Variants in SCMH1 observed in about 807,000 individuals in gnomAD.
SCMH1 encodes Scm polycomb group protein homolog 1, also known as polycomb protein SCMH1.
In SCMH1, 37 loss-of-function variants were observed where a neutral mutation model predicts 70.8. That is an observed-to-expected ratio of 0.52 (90% CI 0.40 to 0.69). The LOEUF (loss-of-function observed/expected upper bound fraction) is 0.69. SCMH1 is among the 30% of genes least tolerant of loss of function. The pLI is 0.00. For missense variants in SCMH1, 607 were observed against 827.3 expected, an observed-to-expected ratio of 0.73 and a Z score of 3.27; for synonymous variants, 292 against 307.4, an observed-to-expected ratio of 0.95 and a Z score of 0.52.
intron 4 of SCMH1, among the ~76,000 whole-genome samples, chr1:41,156,944 A>G (rs984638881): frequency 6.3e-5 from 9 of 142,596 alleles, no homozygotes; most frequent in Admixed American, 1.5e-4. Flanking sequence ...GATTACAAGT[A>G]TAAGCCAACT....
At chr1:41,144,232 C>A (rs1644354971) in intron 5 of SCMH1, among the ~76,000 whole-genome samples, 2 of 152,092 alleles carry the variant, frequency 1.3e-5, no homozygotes, top group East Asian at 1.9e-4. Context: ...TCAAAATGAA[C>A]CCCCTGCCCC....
intron 8 of SCMH1, among the ~76,000 whole-genome samples, chr1:41,093,173 C>T (rs972169435): frequency 1.3e-5 from 2 of 151,932 alleles, no homozygotes; most frequent in African/African-American, 4.8e-5. Flanking sequence ...CACACGTACA[C>T]CATGGAATAC....
chr1:41,050,562 TG>T (rs1647719743), intron 10 of SCMH1, among the ~76,000 whole-genome samples: 1 of 151,950 alleles, frequency 6.6e-6, no homozygotes, highest in Non-Finnish European at 1.5e-5. Flanking sequence ...ATGTGGAAAG[TG>T]ACAGGAGAAA....
At chr1:41,234,829 TTC>T (rs974311711) in intron 1 of SCMH1, among the ~76,000 whole-genome samples, 1 of 152,102 alleles carries the variant, frequency 6.6e-6, no homozygotes, top group Non-Finnish European at 1.5e-5. Flanking sequence ...TCAAAAGTCA[TTC>T]TCTCTCTCTG....
At chr1:41,153,655 G>A (rs569153552) in intron 4 of SCMH1, among the ~76,000 whole-genome samples, 8 of 152,300 alleles carry the variant, frequency 5.3e-5, no homozygotes, top group Admixed American at 3.9e-4. Flanking sequence ...AGGAACCTCT[G>A]TTTAAAGTAG....
intron 1 of SCMH1, among the ~76,000 whole-genome samples, chr1:41,194,156 T>C (rs934328483): frequency 6.6e-6 from 1 of 152,222 alleles, no homozygotes; most frequent in Admixed American, 6.5e-5. Flanking sequence ...TTAAGTAGTG[T>C]AGTTTGCACA....
chr1:41,164,166 C>T (rs888789917), intron 2 of SCMH1, among the ~76,000 whole-genome samples: 5 of 152,092 alleles, frequency 3.3e-5, no homozygotes, highest in African/African-American at 7.2e-5. Context: ...AACGTACCTA[C>T]TAAAGGCTCA....
At chr1:41,071,860 A>T (rs575908073) in intron 9 of SCMH1, among the ~76,000 whole-genome samples, 2 of 152,272 alleles carry the variant, frequency 1.3e-5, no homozygotes, top group Admixed American at 1.3e-4. Flanking sequence ...ATGAGGTCTC[A>T]TTATATTGCC....
At chr1:41,191,241 T>C (rs1651648108) in intron 1 of SCMH1, among the ~76,000 whole-genome samples, 1 of 152,242 alleles carries the variant, frequency 6.6e-6, no homozygotes, top group Admixed American at 6.5e-5. Context: ...CCACTGTAGC[T>C]ACTACAACAT....
intron 5 of SCMH1, among the ~76,000 whole-genome samples, chr1:41,144,153 T>C (rs1049254328): frequency 1.3e-5 from 2 of 152,158 alleles, no homozygotes; most frequent in African/African-American, 2.4e-5. Flanking sequence ...AATTCAATGA[T>C]TTTTAGAATA....
rs568244031 is a variant in SCMH1 at position 41,216,824 on chromosome 1, C to G, written c.-118+25235G>C. On this transcript the variant is annotated intron_variant, in intron 1 of 14. Coordinates refer to ENST00000337495, the Ensembl canonical transcript of SCMH1. Reference sequence around the variant, plus strand: ...TTTCAGTTTCCCAGGGCTGCTGTAACAAAGTACTCTAAACTGAGTATCTTA... The same window carrying G: ...TTTCAGTTTCCCAGGGCTGCTGTAAGAAAGTACTCTAAACTGAGTATCTTA... Among the ~76,000 whole-genome samples, 48 of 152,272 alleles carry G rather than the reference C, an allele frequency of 3.2e-4. 1 individual carries two copies. In the South Asian group the frequency reaches 7.3e-3, roughly 23 times the overall value.
rs117971829 is a variant in SCMH1 at position 41,063,138 on chromosome 1, G to C, written c.1105+7457C>G. Among the ~76,000 whole-genome samples the C allele has an allele frequency of 4.9e-4, 75 of 151,988 alleles. 3 individuals are homozygous for C. In the East Asian group the frequency reaches 0.014, roughly 29 times the overall value. On this transcript the variant is annotated intron_variant, in intron 10 of 14. Transcript: ENST00000337495. Reference sequence around the variant, plus strand: ...TAAGCAGAAAATAAAAAATCGTAAAGATTATAGAGCAGAAATCAATGAAAT... The same window carrying C: ...TAAGCAGAAAATAAAAAATCGTAAACATTATAGAGCAGAAATCAATGAAAT...
chr1:41,067,340 A>T (rs12046059), intron 10 of SCMH1, among the ~76,000 whole-genome samples: 16,077 of 151,566 alleles, frequency 0.11, 1,226 homozygotes, highest in East Asian at 0.28. Flanking sequence ...GGTACTCGGA[A>T]GGCTGAGGCA....
intron 8 of SCMH1, among the ~76,000 whole-genome samples, chr1:41,083,791 G>T (rs1250695968): frequency 1.3e-5 from 2 of 152,010 alleles, no homozygotes; most frequent in Non-Finnish European, 2.9e-5. Context: ...TAGATCAATG[G>T]AACAGAACAG....
At chr1:41,064,715 C>T (rs905618863) in intron 10 of SCMH1, among the ~76,000 whole-genome samples, 1 of 152,008 alleles carries the variant, frequency 6.6e-6, no homozygotes, top group African/African-American at 2.4e-5. Context: ...GAATTCAAGA[C>T]CAGCCTGGGC....
intron 6 of SCMH1, among the ~76,000 whole-genome samples, chr1:41,138,843 T>C (rs1017637202): frequency 2.0e-5 from 3 of 152,208 alleles, no homozygotes; most frequent in Non-Finnish European, 4.4e-5. Context: ...ATCTTATGTT[T>C]TTCTTCATAT....
At chr1:41,131,293 CT>C (rs1674636471) in intron 6 of SCMH1, among the ~76,000 whole-genome samples, 2 of 152,130 alleles carry the variant, frequency 1.3e-5, no homozygotes, top group South Asian at 4.1e-4. Flanking sequence ...AGTACTATAG[CT>C]TTGTAGTAAG....
At chr1:41,043,682 C>G (rs1304501067) in intron 12 of SCMH1, 1 of 151,672 alleles carries the variant, frequency 6.6e-6, no homozygotes, top group Non-Finnish European at 1.5e-5. Context: ...ATCCACCCGC[C>G]TCAGGCTCTC....
chr1:41,089,787 C>CTTTTTTTTTCTTTTTTTTTTT (rs1662815496), intron 8 of SCMH1, among the ~76,000 whole-genome samples: 1 of 58,756 alleles, frequency 1.7e-5, no homozygotes, highest in African/African-American at 7.4e-5. Context: ...CATGTTGTCT[C>CTTTTTTTTTCTTTTTTTTTTT]TTTTTTTTTT....
Sources: allele counts gnomAD v4.1 joint callset (sites outside exome capture counted in the v4.1 genomes callset), GRCh38; gene constraint gnomAD v4.1.1; transcripts MANE v1.5; gene names NCBI Gene and HGNC (gene_info 2026-07-23, HGNC 2026-07-21).